Variants in MAGI1 observed in about 807,000 individuals in gnomAD.
MAGI1 encodes membrane associated guanylate kinase, WW and PDZ domain containing 1.
MAGI1 carries 58 observed loss-of-function variants against 139.9 expected under a neutral mutation model. The observed-to-expected ratio is 0.41, with a 90% confidence interval of 0.34 to 0.52. The LOEUF (loss-of-function observed/expected upper bound fraction) is 0.52, where lower values mean the gene tolerates loss of function less well. MAGI1 is among the 20% of genes least tolerant of loss of function. The probability of loss-of-function intolerance (pLI) is 0.12; values close to 1 mark genes in which losing one functional copy is unlikely to be tolerated. For missense variants in MAGI1, 1,874 were observed against 1,901.6 expected, an observed-to-expected ratio of 0.99 and a Z score of 0.27; for synonymous variants, 812 against 737.9, an observed-to-expected ratio of 1.10 and a Z score of -1.63.
chr3:65,478,472 G>T, intron 4 of MAGI1, 120 bp downstream of exon 4: 1 of 910,226 alleles, frequency 1.1e-6, no homozygotes, highest in South Asian at 1.5e-5. Context: ...GTCCAAGTTT[G>T]AATTTTGGCG....
In MAGI1 at chr3:65,959,857, G is replaced by A. The variant is rs1166529881; in HGVS notation, c.313+78139C>T. Reference sequence around the variant, plus strand: ...GTCTCACTCTGTCGCCCAGGCTGGAGTGCAGTGGCGCAAACTCGGCTCACT... The same window carrying A: ...GTCTCACTCTGTCGCCCAGGCTGGAATGCAGTGGCGCAAACTCGGCTCACT... On this transcript the variant is annotated intron_variant, in intron 1 of 22. Coordinates refer to ENST00000402939, the MANE Select transcript of MAGI1 (RefSeq NM_001033057.2). Among the ~76,000 whole-genome samples the A allele has an allele frequency of 2.6e-4, 34 of 133,004 alleles. No individual in the cohort carries two copies. The East Asian group carries it at 7.1e-3, about 28-fold the overall frequency. 87.3% of individuals were successfully genotyped at this position (133,004 alleles called of 152,430 possible). A position where few individuals can be genotyped will look rare whatever the true frequency, so the allele number is the denominator to read the frequency against.
At chr3:65,509,036 C>A (rs115716821) in intron 2 of MAGI1, among the ~76,000 whole-genome samples, 1,729 of 152,296 alleles carry the variant, frequency 0.011, 33 homozygotes, top group African/African-American at 0.038. Flanking sequence ...AAGAAGTTTT[C>A]ACCAGATACT....
chr3:65,364,165 TAAAAAAAA>T (rs555186167), intron 20 of MAGI1, among the ~76,000 whole-genome samples: 5 of 89,446 alleles, frequency 5.6e-5, no homozygotes, highest in African/African-American at 1.3e-4. Context: ...CCCTGTCTCT[TAAAAAAAA>T]AAAAAAAAAA....
At chr3:65,875,943 T>C (rs982822058) in intron 1 of MAGI1, among the ~76,000 whole-genome samples, 2 of 151,974 alleles carry the variant, frequency 1.3e-5, no homozygotes, top group Non-Finnish European at 2.9e-5. Flanking sequence ...CCAGTCCACA[T>C]TAAAGCAAGT....
intron 1 of MAGI1, among the ~76,000 whole-genome samples, chr3:65,866,010 G>C (rs1432484002): frequency 1.3e-5 from 2 of 152,084 alleles, no homozygotes; most frequent in African/African-American, 2.4e-5. Context: ...ATATGACTGA[G>C]AGAAAAATAG....
At chr3:65,593,755 C>T (rs76761440) in intron 2 of MAGI1, among the ~76,000 whole-genome samples, 2,190 of 151,906 alleles carry the variant, frequency 0.014, 26 homozygotes, top group Non-Finnish European at 0.023. Flanking sequence ...ATTGTGCTTA[C>T]GACTAGATAT....
intron 17 of MAGI1, among the ~76,000 whole-genome samples, chr3:65,376,875 C>T (rs1469326492): frequency 6.6e-6 from 1 of 152,174 alleles, no homozygotes; most frequent in East Asian, 1.9e-4. Flanking sequence ...TATTCGTGCA[C>T]TTTGAGGCAC....
chr3:65,950,106 A>AAAAAAAAAAAAAAAAAAAAAAAAC (rs796698272), intron 1 of MAGI1, among the ~76,000 whole-genome samples: 8 of 84,200 alleles, frequency 9.5e-5, no homozygotes, highest in Admixed American at 1.7e-4. Context: ...AAAAAAAAAA[A>AAAAAAAAAAAAAAAAAAAAAAAAC]CAGAACTAGC....
chr3:65,678,630 G>A (rs1352302306), intron 1 of MAGI1, among the ~76,000 whole-genome samples: 3 of 152,130 alleles, frequency 2.0e-5, no homozygotes, highest in Admixed American at 2.0e-4. Flanking sequence ...ACTCATATCT[G>A]GTTAACTGAC....
chr3:65,623,134 G>C (rs905862643), intron 1 of MAGI1, among the ~76,000 whole-genome samples: 2 of 152,172 alleles, frequency 1.3e-5, no homozygotes, highest in Non-Finnish European at 2.9e-5. Flanking sequence ...AAAAGGACTT[G>C]AGCTGGGGAT....
intron 12 of MAGI1, among the ~76,000 whole-genome samples, chr3:65,419,641 T>G (rs183096926): frequency 6.6e-6 from 1 of 152,276 alleles, no homozygotes; most frequent in East Asian, 1.9e-4. Flanking sequence ...AACCCTTGAT[T>G]TTACAGCTCA....
rs184303663 is a variant in MAGI1 at position 65,579,438 on chromosome 3, C to T, written c.430+42534G>A. Reference sequence around the variant, plus strand: ...TATGACTACCAGATACACCACACTACACAAGTGACTTCCAAAATGCAGCCA... The same window carrying T: ...TATGACTACCAGATACACCACACTATACAAGTGACTTCCAAAATGCAGCCA... On this transcript the variant is annotated intron_variant, in intron 2 of 22. Transcript: ENST00000402939. Among the ~76,000 whole-genome samples the T allele has an allele frequency of 8.8e-4, 134 of 152,328 alleles. 1 individual carries two copies. Among genetic ancestry groups the T allele is most frequent in the Non-Finnish European group, 5.6e-4 (38 of 68,026 alleles).
rs1264404716 is a variant in MAGI1 at position 65,989,864 on chromosome 3, AGTT to A, written c.313+48129_313+48131del. ...CAGACATAATTTTTTAATGTTATAC[AGTT>A]GTTGTGTTCATTTTACTGAATATTT... is the stretch of plus-strand genomic sequence containing the variant. On this transcript the variant is annotated intron_variant, in intron 1 of 22. Coordinates refer to ENST00000402939, the MANE Select transcript of MAGI1 (RefSeq NM_001033057.2). Among the ~76,000 whole-genome samples the A allele has an allele frequency of 2.7e-5, 4 of 148,890 alleles. No individual in the cohort carries two copies. The East Asian group carries it at 5.9e-4, about 22-fold the overall frequency.
intron 1 of MAGI1, among the ~76,000 whole-genome samples, chr3:65,774,961 T>C (rs1304137410): frequency 6.6e-6 from 1 of 152,134 alleles, no homozygotes; most frequent in African/African-American, 2.4e-5. Flanking sequence ...CATGGGATAG[T>C]AGTGAAACAA....
At chr3:65,407,638 T>G (rs2107169700) in intron 12 of MAGI1, among the ~76,000 whole-genome samples, 1 of 152,270 alleles carries the variant, frequency 6.6e-6, no homozygotes, top group Middle Eastern at 3.4e-3. Context: ...ATAGAATATA[T>G]AAACTCATTG....
chr3:65,579,416 G>T (rs1342873449), intron 2 of MAGI1, among the ~76,000 whole-genome samples: 3 of 152,138 alleles, frequency 2.0e-5, no homozygotes, highest in Non-Finnish European at 4.4e-5. Flanking sequence ...CATGCCCTAT[G>T]ACTACCAGAT....
At chr3:65,713,038 C>G (rs1046224271) in intron 1 of MAGI1, among the ~76,000 whole-genome samples, 2 of 152,076 alleles carry the variant, frequency 1.3e-5, no homozygotes, top group African/African-American at 4.8e-5. Context: ...CAGTTTTGAC[C>G]CTAAATACAG....
At chr3:65,761,367 G>A (rs9824234) in intron 1 of MAGI1, among the ~76,000 whole-genome samples, 2,997 of 152,146 alleles carry the variant, frequency 0.02, 94 homozygotes, top group African/African-American at 0.068. Context: ...GGAGTCAAAT[G>A]AAGAATACTG....
At chr3:65,605,837 G>A (rs566443113) in intron 2 of MAGI1, among the ~76,000 whole-genome samples, 13 of 152,170 alleles carry the variant, frequency 8.5e-5, no homozygotes, top group South Asian at 8.3e-4. Flanking sequence ...ATATTTTGAC[G>A]AAAGAATTAC....
Sources: gnomAD v4.1 joint callset for allele counts (sites outside exome capture counted in the v4.1 genomes callset) on GRCh38, gnomAD v4.1.1 for gene constraint, MANE v1.5 for transcripts, NCBI Gene and HGNC (gene_info 2026-07-23, HGNC 2026-07-21) for gene names.